ANKRD18A: variants seen among roughly 807,000 people sequenced by gnomAD.
ANKRD18A encodes ankyrin repeat domain 18A.
ANKRD18A carries 72 observed loss-of-function variants against 110.6 expected under a neutral mutation model. That is an observed-to-expected ratio of 0.65 (90% confidence interval 0.54 to 0.79). The LOEUF (loss-of-function observed/expected upper bound fraction) is 0.79, where lower values mean the gene tolerates loss of function less well. Among genes scored for constraint, ANKRD18A ranks in the 30% least tolerant of loss-of-function variants. The pLI is 0.00. For missense variants in ANKRD18A, 934 were observed against 1,163.3 expected, an observed-to-expected ratio of 0.80 and a Z score of 2.87; for synonymous variants, 305 against 410.3, an observed-to-expected ratio of 0.74 and a Z score of 3.10.
intron 6 of ANKRD18A, among the ~76,000 whole-genome samples, chr9:38,603,644 A>T (rs961483045): frequency 1.3e-5 from 2 of 151,996 alleles, no homozygotes; most frequent in African/African-American, 4.8e-5. Context: ...TCGTTCTTGA[A>T]AAAGAGAGAG....
chr9:38,584,203 C>T (rs1824278621), intron 12 of ANKRD18A, among the ~76,000 whole-genome samples: 1 of 152,192 alleles, frequency 6.6e-6, no homozygotes, highest in Admixed American at 6.5e-5. Context: ...TTTTCCTGGT[C>T]ATGAGAGAAG....
Position 38,595,608 on chromosome 9 carries a change from T to C in ANKRD18A, c.1732A>G (p.Arg578Gly), listed in dbSNP as rs940616718. The stretch of plus-strand genomic sequence containing the variant: ...TCCTTTCCATTCTCAAGACAGTCTC[T>C]GTGGATATTAATGACTATCTCTTTA... ...DNKEIVINIH[R>G]DCLENGKEDL... The change falls in exon 9 of 16, where the codon AGA (arginine) becomes GGA (glycine). Residue 578 changes from arginine (R) to glycine (G), a missense_variant. Around this residue, in one of 4 missense-constraint regions of ANKRD18A, gnomAD observed 630 missense variants for 797.5 expected, o/e 0.79. Coordinates refer to ENST00000399703, the MANE Select transcript of ANKRD18A (RefSeq NM_147195.4). 3 of 1,550,964 alleles carry C rather than the reference T, an allele frequency of 1.9e-6. No individual in the cohort carries two copies. The African/African-American group carries it at 4.1e-5, about 21-fold the overall frequency.
intron 1 of ANKRD18A, among the ~76,000 whole-genome samples, chr9:38,619,004 A>G (rs1306394817): frequency 1.3e-5 from 2 of 150,374 alleles, no homozygotes; most frequent in African/African-American, 4.9e-5. Flanking sequence ...ATATATTTTT[A>G]TATATTAGTA....
chr9:38,591,489 T>TG (rs1282151650), intron 10 of ANKRD18A, among the ~76,000 whole-genome samples: 6 of 152,244 alleles, frequency 3.9e-5, no homozygotes, highest in African/African-American at 1.2e-4. Context: ...TAGAAGAGTA[T>TG]GTGGTGCATG....
chr9:38,579,335 C>T (rs973398871), intron 12 of ANKRD18A, among the ~76,000 whole-genome samples: 5 of 152,100 alleles, frequency 3.3e-5, no homozygotes, highest in African/African-American at 1.2e-4. Flanking sequence ...AAATGATAGA[C>T]AAATGGTACT....
At chr9:38,586,132 T>C (rs1824370310) in intron 12 of ANKRD18A, 51 bp downstream of exon 12, 5 of 1,497,488 alleles carry the variant, frequency 3.3e-6, no homozygotes, top group Admixed American at 4.4e-5. Context: ...CCTGTACCTC[T>C]TACACATGTA....
At position 38,575,527 on chromosome 9, in the gene ANKRD18A, A is replaced by C. The variant is rs1363172857; in HGVS notation, c.2913T>G (p.Ile971Met). ...TTGAAGTCTGTGGGTTTGAAGTAGG[A>C]ATTCTTATGGCCGTTTTGGGAATAT... Reference protein sequence around the residue: ...RKYIPKTAIRIPTSNPQTSNN... With the variant: ...RKYIPKTAIRMPTSNPQTSNN... Residue 971 changes from isoleucine to methionine, a missense_variant, in exon 15 of 16, where the codon ATT (isoleucine) becomes ATG (methionine). Ile to Met is a conservative substitution (Grantham distance 10). Transcript: ENST00000399703. 5.8e-6 allele frequency: 9 copies of C among 1,551,614 alleles called. No individual in the cohort carries two copies. The highest frequency in any genetic ancestry group is 7.8e-6 in the Non-Finnish European group (9 of 1,146,846).
At chr9:38,616,478 G>T (rs1388546428) in intron 1 of ANKRD18A, among the ~76,000 whole-genome samples, 1 of 152,180 alleles carries the variant, frequency 6.6e-6, no homozygotes, top group Non-Finnish European at 1.5e-5. Flanking sequence ...GTTGAGACAC[G>T]GTCTTGCTCT....
intron 11 of ANKRD18A, among the ~76,000 whole-genome samples, chr9:38,586,844 A>G (rs892286034): frequency 3.9e-5 from 6 of 152,174 alleles, no homozygotes; most frequent in African/African-American, 1.2e-4. Flanking sequence ...GATTACAGGC[A>G]TGAGCCACCA....
intron 1 of ANKRD18A, among the ~76,000 whole-genome samples, chr9:38,619,717 T>C (rs1275658355): frequency 6.6e-6 from 1 of 152,198 alleles, no homozygotes; most frequent in Non-Finnish European, 1.5e-5. Context: ...AGAACCTGTC[T>C]ACCTAGGTGG....
chr9:38,595,716 A>C lies in ANKRD18A; in HGVS notation c.1624T>G (p.Leu542Val). The change falls in exon 9 of 16, where the codon TTA becomes GTA. Residue 542 changes from leucine to valine, a missense_variant. Leu to Val is a conservative substitution (Grantham distance 32). Coordinates refer to ENST00000399703, the MANE Select transcript of ANKRD18A (RefSeq NM_147195.4). ...TCTTGTTGACGTATTCTCTCCTCTA[A>C]AGAGTTCTGCTTTCCAATGGATTGA... is the stretch of plus-strand genomic sequence containing the variant. The part of the protein sequence containing the change: ...ESQSIGKQNS[L>V]EERIRQQELE... The C allele has an allele frequency of 6.4e-7, 1 of 1,551,328 alleles. No homozygotes were observed. Among genetic ancestry groups the C allele is most frequent in the Non-Finnish European group, 8.7e-7 (1 of 1,146,708 alleles).
downstream of ANKRD18A, chr9:38,571,097 A>G (rs1446144061): frequency 4.0e-6 from 6 of 1,517,356 alleles, no homozygotes; most frequent in Non-Finnish European, 5.3e-6. Flanking sequence ...GACAGCTAGA[A>G]GGCCCTTTGC....
chr9:38,618,253 GA>G (rs767805906), intron 1 of ANKRD18A, among the ~76,000 whole-genome samples: 3 of 151,914 alleles, frequency 2.0e-5, no homozygotes, highest in Non-Finnish European at 4.4e-5. Context: ...TAAGAAAAAG[GA>G]ACAAAAAACT....
chr9:38,572,169 A>G, intron 15 of ANKRD18A, 110 bp from the exon 16 acceptor site: 1 of 737,544 alleles, frequency 1.4e-6, no homozygotes, highest in Non-Finnish European at 2.1e-6. Context: ...AAGAATGAGA[A>G]ATATGTACGT....
At chr9:38,590,613 T>C (rs995640545) in intron 10 of ANKRD18A, among the ~76,000 whole-genome samples, 2 of 152,222 alleles carry the variant, frequency 1.3e-5, no homozygotes, top group African/African-American at 4.8e-5. Flanking sequence ...TTTGCCTTTG[T>C]TTTCTTTTAA....
intron 10 of ANKRD18A, among the ~76,000 whole-genome samples, chr9:38,593,404 A>C (rs1273501201): frequency 1.3e-5 from 2 of 152,236 alleles, no homozygotes; most frequent in Non-Finnish European, 2.9e-5. Flanking sequence ...ACTTGCTGGA[A>C]TATTCCATTA....
chr9:38,608,603 CTA>C (rs991698384), intron 5 of ANKRD18A, among the ~76,000 whole-genome samples: 7 of 138,444 alleles, frequency 5.1e-5, no homozygotes, highest in Admixed American at 1.4e-4. Flanking sequence ...AACTATATAG[CTA>C]TATATATTTA....
At chr9:38,570,022 G>T (rs754615663), downstream of ANKRD18A, among the ~76,000 whole-genome samples, 11 of 152,120 alleles carry the variant, frequency 7.2e-5, 1 homozygote, top group Admixed American at 3.3e-4. Flanking sequence ...AGGCAAAGAG[G>T]CTCCACAGAC....
intron 8 of ANKRD18A, among the ~76,000 whole-genome samples, chr9:38,597,994 T>C (rs774275641): frequency 9.2e-5 from 14 of 152,142 alleles, no homozygotes; most frequent in Non-Finnish European, 1.8e-4. Flanking sequence ...AAAGTGGCCA[T>C]GATGGAATTA....
Sources: gnomAD v4.1 joint callset for allele counts (sites outside exome capture counted in the v4.1 genomes callset) on GRCh38, gnomAD v4.1.1 for gene constraint, gnomAD v4.1.1 regional missense constraint, MANE v1.5 for transcripts, NCBI Gene and HGNC (gene_info 2026-07-23, HGNC 2026-07-21) for gene names.